Variants in GPSM1 observed in about 807,000 individuals in gnomAD.
GPSM1 encodes the protein G protein-signaling modulator 1.
GPSM1 carries 48 observed loss-of-function variants against 70.5 expected under a neutral mutation model. The observed-to-expected ratio is 0.68, with a 90% CI of 0.54 to 0.87. The LOEUF (loss-of-function observed/expected upper bound fraction) is 0.87, where lower values mean the gene tolerates loss of function less well. Among genes scored for constraint, GPSM1 ranks in the 40% least tolerant of loss-of-function variants. GPSM1 has a pLI of 0.00. For synonymous variants in GPSM1, 416 were observed against 430.1 expected, an observed-to-expected ratio of 0.97 and a Z score of 0.41; for missense variants, 981 against 972.6, an observed-to-expected ratio of 1.01 and a Z score of -0.11.
At chr9:136,349,271 T>C (rs1422753646) in intron 10 of GPSM1, among the ~76,000 whole-genome samples, 2 of 152,258 alleles carry the variant, frequency 1.3e-5, no homozygotes, top group Non-Finnish European at 2.9e-5. Context: ...GTTCCTCTGG[T>C]GTGGCCTGTG....
Position 136,336,970 on chromosome 9 carries a change from A to G in GPSM1, c.476A>G (p.Lys159Arg). 6.4e-7 allele frequency: 1 copy of G among 1,557,030 alleles called. No homozygotes were observed. Among genetic ancestry groups the G allele is most frequent in the Non-Finnish European group, 8.7e-7 (1 of 1,150,934 alleles). Residue 159 changes from lysine (K) to arginine (R), a missense_variant, in exon 4 of 14, where the codon AAA becomes AGA. Coordinates refer to ENST00000440944, the MANE Select transcript of GPSM1 (RefSeq NM_001145638.3). The part of the protein sequence containing the change: ...LYNIGNVYHA[K>R]GKQLSWNAAN... ...AACATCGGGAACGTGTACCACGCCAAAGGCAAGCAACTGTCCTGGAACGCC... is the reference window on the plus strand; with the variant it reads ...AACATCGGGAACGTGTACCACGCCAGAGGCAAGCAACTGTCCTGGAACGCC...
In GPSM1 at chr9:136,355,860, T is replaced by C; in HGVS notation, c.1612+14T>C. On this transcript the variant is annotated intron_variant, in intron 12 of 13. Transcript: ENST00000440944. ...AGGACAGGATCGGTGAGTGCCCCCC[T>C]CAGCCGGGCCCTCCCTTGGGCTTGT... 6.3e-7 allele frequency: 1 copy of C among 1,593,246 alleles called. No individual in the cohort carries two copies. The highest frequency in any genetic ancestry group is 8.6e-7 in the Non-Finnish European group (1 of 1,167,282).
At chr9:136,328,528 C>T (rs936913380) in intron 1 of GPSM1, among the ~76,000 whole-genome samples, 1 of 152,186 alleles carries the variant, frequency 6.6e-6, no homozygotes, top group Non-Finnish European at 1.5e-5. Context: ...ACACTATTGT[C>T]CTCTGGACAT....
Position 136,327,918 on chromosome 9 carries a change from G to A in GPSM1, c.68+155G>A, listed in dbSNP as rs917762872. 3.9e-5 allele frequency among the ~76,000 whole-genome samples: 6 copies of A among 152,098 alleles called. No individual in the cohort carries two copies. In the South Asian group the frequency reaches 1.2e-3, roughly 32 times the overall value. On this transcript the variant is annotated intron_variant, in intron 1 of 13. Coordinates refer to ENST00000440944, the MANE Select transcript of GPSM1 (RefSeq NM_001145638.3). ...CCTCCCTCCAGGCCGAGCCCAGCCC[G>A]GCGTGTGCCCGCGTGGGCGTCCCCT...
At chr9:136,329,372 G>T (rs1832050711) in intron 1 of GPSM1, among the ~76,000 whole-genome samples, 1 of 152,246 alleles carries the variant, frequency 6.6e-6, no homozygotes, top group African/African-American at 2.4e-5. Context: ...TGGCTTCAGA[G>T]CATGGATGCC....
At chr9:136,357,029 G>A (rs1284510516) in intron 13 of GPSM1, among the ~76,000 whole-genome samples, 2 of 152,220 alleles carry the variant, frequency 1.3e-5, no homozygotes, top group Non-Finnish European at 2.9e-5. Flanking sequence ...CGGCATGGGC[G>A]GAGGGTCCAG....
rs369853249 is a variant in GPSM1, at chr9:136,327,998, A to C, written c.68+235A>C. Among the ~76,000 whole-genome samples, 821 of 130,784 alleles carry C rather than the reference A, an allele frequency of 6.3e-3. 6 individuals carry two copies. The highest frequency in any genetic ancestry group is 0.021 in the African/African-American group (774 of 36,574). The allele number at this position is 130,784 out of a possible 152,430, so 85.8% of individuals were successfully genotyped here. On this transcript the variant is annotated intron_variant, in intron 1 of 13. Coordinates refer to ENST00000440944, the MANE Select transcript of GPSM1 (RefSeq NM_001145638.3). ...AGGGGGTGGGGGGCCGGGGGGCTGGAGGCGGGGTGGGCAGCTTCTCCAGCC... is the reference window on the plus strand; with the variant it reads ...AGGGGGTGGGGGGCCGGGGGGCTGGCGGCGGGGTGGGCAGCTTCTCCAGCC...
rs782360348 is a variant in GPSM1, at chr9:136,328,628, G to A, written c.68+865G>A. Among the ~76,000 whole-genome samples the A allele has an allele frequency of 6.0e-4, 91 of 152,354 alleles. 1 individual carries two copies. In the Middle Eastern group the frequency reaches 0.01, roughly 17 times the overall value. On this transcript the variant is annotated intron_variant, in intron 1 of 13. Coordinates refer to ENST00000440944, the MANE Select transcript of GPSM1 (RefSeq NM_001145638.3). ...GGCCCCCAAGGATTCTCTGGCCCCAGCCAAGCAGCAAGCCTCTGCCTGGGG... is the reference window on the plus strand; with the variant it reads ...GGCCCCCAAGGATTCTCTGGCCCCAACCAAGCAGCAAGCCTCTGCCTGGGG...
In GPSM1 at chr9:136,342,182, C is replaced by T. The variant is rs1430533609; in HGVS notation, c.1207+1189C>T. Among the ~76,000 whole-genome samples, 5 of 152,070 alleles carry T rather than the reference C, an allele frequency of 3.3e-5. No individual in the cohort carries two copies. The highest frequency in any genetic ancestry group is 1.2e-4 in the African/African-American group (5 of 41,392). On this transcript the variant is annotated intron_variant, in intron 9 of 13. Transcript: ENST00000440944. The surrounding 1 kb of genome is among the most constrained non-coding windows in gnomAD (Gnocchi z 5.5). ...GTCCAGGCCTATTTCTACCCATGGCCGGGGTTTCCTAAGGGTGGGGAGCTC... is the reference window on the plus strand; with the variant it reads ...GTCCAGGCCTATTTCTACCCATGGCTGGGGTTTCCTAAGGGTGGGGAGCTC...
intron 2 of GPSM1, among the ~76,000 whole-genome samples, chr9:136,335,376 TC>T (rs1225547112): frequency 6.6e-6 from 1 of 151,956 alleles, no homozygotes; most frequent in Non-Finnish European, 1.5e-5. Context: ...TCCAGTCGGG[TC>T]CAGCCCCCAG....
Position 136,356,441 on chromosome 9 carries a change from G to A in GPSM1, c.1712G>A (p.Gly571Asp). The A allele has an allele frequency of 5.0e-6, 8 of 1,610,928 alleles. No homozygotes were observed. Among genetic ancestry groups the A allele is most frequent in the Non-Finnish European group, 6.8e-6 (8 of 1,178,852 alleles). The change falls in exon 13 of 14, where the codon GGC (glycine) becomes GAC (aspartate). Residue 571 changes from glycine to aspartate, a missense_variant. Physicochemically the swap from Gly to Asp is moderately conservative, Grantham distance 94. Coordinates refer to ENST00000440944, the MANE Select transcript of GPSM1 (RefSeq NM_001145638.3). ...CTGGACGACCAGCGGGCCAGCGTGG[G>A]CAGCCTGCCGGGGCTGCGAATCACC... ...RRLDDQRASVGSLPGLRITHS... is the reference protein window; with the variant it reads ...RRLDDQRASVDSLPGLRITHS...
Position 136,341,480 on chromosome 9 carries a change from G to A in GPSM1, c.1207+487G>A, listed in dbSNP as rs1249459135. ...ACCGTGGTGACCTCATTCATGGACC[G>A]CTGGTCGTCCCATGCCGGTCAGCAG... On this transcript the variant is annotated intron_variant, in intron 9 of 13. Transcript: ENST00000440944. The surrounding 1 kb of genome is among the most constrained non-coding windows in gnomAD (Gnocchi z 6.7). 7 of 1,294,496 alleles carry A rather than the reference G, an allele frequency of 5.4e-6. No individual in the cohort carries two copies. Among genetic ancestry groups the A allele is most frequent in the Admixed American group, 3.9e-5 (1 of 25,940 alleles). The allele number at this position is 1,294,496 out of a possible 1,614,324, so 80.2% of individuals were successfully genotyped here. A position where few individuals can be genotyped will look rare whatever the true frequency, so the allele number is the denominator to read the frequency against.
At chr9:136,344,589 C>T (rs915625363) in intron 9 of GPSM1, among the ~76,000 whole-genome samples, 2 of 152,202 alleles carry the variant, frequency 1.3e-5, no homozygotes, top group Non-Finnish European at 2.9e-5. Context: ...CTCATGTAAA[C>T]CTCAGGACCT....
chr9:136,335,764 G>A (rs1554769105), intron 2 of GPSM1, among the ~76,000 whole-genome samples: 1 of 152,194 alleles, frequency 6.6e-6, no homozygotes, highest in African/African-American at 2.4e-5. Flanking sequence ...CAGCCCAGCA[G>A]AGCCCATACC....
At position 136,334,484 on chromosome 9, in the gene GPSM1, G is replaced by C. The variant is rs782168820; in HGVS notation, c.106G>C (p.Glu36Gln). Residue 36 changes from glutamate to glutamine, a missense_variant, in exon 2 of 14, where the codon GAG becomes CAG. Physicochemically the swap from Glu to Gln is conservative, Grantham distance 29 (BLOSUM62 2). Coordinates refer to ENST00000440944, the MANE Select transcript of GPSM1 (RefSeq NM_001145638.3). ...ASCLELALEG[E>Q]RLCKAGDFKT... ...CTGCCTAGAGCTGGCGCTGGAGGGC[G>C]AGCGTCTGTGCAAGGCGGGCGACTT... is the stretch of plus-strand genomic sequence containing the variant. 1.2e-6 allele frequency: 2 copies of C among 1,612,918 alleles called. No individual in the cohort carries two copies. The highest frequency in any genetic ancestry group is 2.2e-5 in the South Asian group (2 of 91,068).
chr9:136,348,529 C>T (rs1423673457), intron 9 of GPSM1, among the ~76,000 whole-genome samples, 168 bp from the exon 10 acceptor site: 19 of 152,298 alleles, frequency 1.2e-4, no homozygotes, highest in African/African-American at 3.1e-4. Context: ...ACAGTACAGT[C>T]GGGGAGACGC....
rs1471915962 is a variant in GPSM1 at position 136,337,691 on chromosome 9, C to T, written c.702+127C>T. On this transcript the variant is annotated intron_variant, in intron 5 of 13. Coordinates refer to ENST00000440944, the MANE Select transcript of GPSM1 (RefSeq NM_001145638.3). ...GGCAGCAGGCCCGCCCCACCGAGTC[C>T]TGGCCTCATCTGCACTTGGTCCTGC... 6.0e-6 allele frequency: 6 copies of T among 1,000,936 alleles called. No homozygotes were observed. In the Admixed American group the frequency reaches 1.0e-4, roughly 17 times the overall value. The allele number at this position is 1,000,936 out of a possible 1,614,324, so 62.0% of individuals were successfully genotyped here. A position where few individuals can be genotyped will look rare whatever the true frequency, so the allele number is the denominator to read the frequency against.
intron 11 of GPSM1, among the ~76,000 whole-genome samples, chr9:136,354,154 G>A (rs1467412730): frequency 6.6e-6 from 1 of 152,210 alleles, no homozygotes; most frequent in African/African-American, 2.4e-5. Context: ...AGGGGCCAGA[G>A]CCAGGTGGGG....
Position 136,358,638 on chromosome 9 carries a change from T to C in GPSM1, c.*418T>C. 1 of 274,020 alleles carries C rather than the reference T, an allele frequency of 3.6e-6. No homozygotes were observed. Among genetic ancestry groups the C allele is most frequent in the South Asian group, 4.1e-5 (1 of 24,626 alleles). 17.0% of individuals were successfully genotyped at this position (274,020 alleles called of 1,614,324 possible). On this transcript the variant is annotated 3_prime_UTR_variant, in exon 14 of 14. Transcript: ENST00000440944. ...CCACCAAGGACAGGGCCATGTTCTG[T>C]CCCCCCAGAGCTGGTCTTGGGATGG...
Sources: gnomAD v4.1 joint callset for allele counts (sites outside exome capture counted in the v4.1 genomes callset) on GRCh38, gnomAD v4.1.1 for gene constraint, Gnocchi (gnomAD v3.1) non-coding constraint, MANE v1.5 for transcripts, NCBI Gene and HGNC (gene_info 2026-07-23, HGNC 2026-07-21) for gene names.